SH2B3: variants seen among roughly 807,000 people sequenced by gnomAD.
SH2B3 encodes SH2B adapter protein 3.
SH2B3 carries 43 observed loss-of-function variants against 51.9 expected under a neutral mutation model. The observed-to-expected ratio is 0.83, with a 90% CI of 0.65 to 1.07. The LOEUF is 1.07. Ranked by LOEUF, SH2B3 falls within the 50% of genes least tolerant of loss-of-function variation. SH2B3 has a pLI of 0.00. For synonymous variants in SH2B3, 396 were observed against 376.0 expected, an observed-to-expected ratio of 1.05 and a Z score of -0.62; for missense variants, 952 against 834.3, an observed-to-expected ratio of 1.14 and a Z score of -1.74.
Position 111,448,138 on chromosome 12 carries a change from C to A in SH2B3, c.1564C>A (p.Pro522Thr), listed in dbSNP as rs759755500. Residue 522 changes from proline (P) to threonine (T), a missense_variant, in exon 8 of 8, where the codon CCC becomes ACC. Transcript: ENST00000341259. The stretch of plus-strand genomic sequence containing the variant: ...GGGTCTCCCAGGGCGATCCTCACCC[C>A]CCGAGCAGATCTTCCACCTGGTGCC... ...PEGLPGRSSPPEQIFHLVPSP... is the reference protein window; with the variant it reads ...PEGLPGRSSPTEQIFHLVPSP... 1.2e-6 allele frequency: 2 copies of A among 1,614,060 alleles called. No individual in the cohort carries two copies. Among genetic ancestry groups the A allele is most frequent in the African/African-American group, 1.3e-5 (1 of 74,916 alleles).
chr12:111,445,903 T>C (rs1456429895), intron 2 of SH2B3, among the ~76,000 whole-genome samples: 6 of 152,264 alleles, frequency 3.9e-5, no homozygotes, highest in Non-Finnish European at 7.3e-5. Flanking sequence ...CCTTTTGGGC[T>C]GAGGTGGAGG....
chr12:111,448,264 C>T lies in SH2B3; in HGVS notation c.1690C>T (p.His564Tyr), dbSNP rs774012150. Residue 564 changes from histidine (H) to tyrosine (Y), a missense_variant, in exon 8 of 8, where the codon CAC becomes TAC. Transcript: ENST00000341259. ...DYEMDSSSRS[H>Y]LRAIDNQYTP... ...CGAAATGGACTCATCCTCCCGGAGCCACCTGCGGGCCATAGACAATCAGTA... is the reference window on the plus strand; with the variant it reads ...CGAAATGGACTCATCCTCCCGGAGCTACCTGCGGGCCATAGACAATCAGTA... 7.7e-5 allele frequency: 125 copies of T among 1,613,800 alleles called. No homozygotes were observed. Among genetic ancestry groups the T allele is most frequent in the Non-Finnish European group, 1.0e-4 (119 of 1,179,836 alleles).
chr12:111,443,107 T>C (rs1344049949), intron 2 of SH2B3, among the ~76,000 whole-genome samples: 2 of 152,242 alleles, frequency 1.3e-5, no homozygotes, highest in African/African-American at 4.8e-5. Context: ...GGTAACAGCA[T>C]GAGGGCAAGT....
intron 1 of SH2B3, among the ~76,000 whole-genome samples, chr12:111,412,009 G>T (rs558309448): frequency 2.0e-4 from 31 of 152,196 alleles, no homozygotes; most frequent in African/African-American, 7.2e-4. Context: ...GGCTGACCAG[G>T]CTCCCCCGAA....
intron 2 of SH2B3, chr12:111,434,948 G>A (rs1399277972): frequency 4.6e-6 from 7 of 1,535,530 alleles, no homozygotes; most frequent in Non-Finnish European, 5.2e-6. Context: ...ACCTGGCCTG[G>A]CTGTGCCAGT....
chr12:111,434,076 G>T (rs1778128364), intron 2 of SH2B3, among the ~76,000 whole-genome samples: 1 of 152,154 alleles, frequency 6.6e-6, no homozygotes, highest in African/African-American at 2.4e-5. Flanking sequence ...CCAGCACTGG[G>T]TATTATTTTA....
rs1276590172 is a variant in SH2B3, at chr12:111,410,446, G to A, written c.-28+4169G>A. On this transcript the variant is annotated intron_variant, in intron 1 of 7. Coordinates refer to ENST00000341259, the MANE Select transcript of SH2B3 (RefSeq NM_005475.3). The surrounding 1 kb of genome is among the most constrained non-coding windows in gnomAD (Gnocchi z 4.9). Reference sequence around the variant, plus strand: ...GCCCTCAACCCAGAGGCAGTGAAAGGAAGAAGCCACGGCCTTGGGATGGGG... The same window carrying A: ...GCCCTCAACCCAGAGGCAGTGAAAGAAAGAAGCCACGGCCTTGGGATGGGG... Among the ~76,000 whole-genome samples, 1 of 152,206 alleles carries A rather than the reference G, an allele frequency of 6.6e-6. No individual in the cohort carries two copies. Among genetic ancestry groups the A allele is most frequent in the African/African-American group, 2.4e-5 (1 of 41,454 alleles).
At chr12:111,422,942 CCGCCT>C in intron 2 of SH2B3, among the ~76,000 whole-genome samples, 1 of 152,334 alleles carries the variant, frequency 6.6e-6, no homozygotes, top group Non-Finnish European at 1.5e-5. Context: ...GGTGATCTGT[CCGCCT>C]CGGCCTCCCA....
rs1000607842 is a variant in SH2B3 at position 111,429,814 on chromosome 12, A to G, written c.732+10937A>G. On this transcript the variant is annotated intron_variant, in intron 2 of 7. Transcript: ENST00000341259. The surrounding 1 kb of genome is among the most constrained non-coding windows in gnomAD (Gnocchi z 4.4). ...GAGCTGGTAGGTGGCCAAGGCAGGA[A>G]ATGAGAGTCCCTGGTGGGTCTGCCA... is the stretch of plus-strand genomic sequence containing the variant. 2.5e-4 allele frequency among the ~76,000 whole-genome samples: 38 copies of G among 152,276 alleles called. No homozygotes were observed. The highest frequency in any genetic ancestry group is 8.4e-4 in the African/African-American group (35 of 41,546).
chr12:111,429,967 T>C lies in SH2B3; in HGVS notation c.732+11090T>C, dbSNP rs763661953. ...AGCAGGGCAGACTGAGCCCTGGTCT[T>C]GGCAGGCAGGCAGAGCTCAGGTCCT... is the stretch of plus-strand genomic sequence containing the variant. On this transcript the variant is annotated intron_variant, in intron 2 of 7. Coordinates refer to ENST00000341259, the MANE Select transcript of SH2B3 (RefSeq NM_005475.3). The surrounding 1 kb of genome is among the most constrained non-coding windows in gnomAD (Gnocchi z 4.4). Among the ~76,000 whole-genome samples, 4 of 152,198 alleles carry C rather than the reference T, an allele frequency of 2.6e-5. No individual in the cohort carries two copies. Among genetic ancestry groups the C allele is most frequent in the Non-Finnish European group, 5.9e-5 (4 of 68,024 alleles).
chr12:111,430,910 C>CA (rs1872426511), intron 2 of SH2B3, among the ~76,000 whole-genome samples: 1 of 152,086 alleles, frequency 6.6e-6, no homozygotes, highest in Admixed American at 6.5e-5. Context: ...CTGCTCCCCA[C>CA]AGCAACCCCT....
chr12:111,411,396 G>C lies in SH2B3; in HGVS notation c.-28+5119G>C, dbSNP rs16941458. Reference sequence around the variant, plus strand: ...AAATCCTCCCCAAGCCTCAGCAGGGGAATTCCTACCATGGATAAAGGCTTT... The same window carrying C: ...AAATCCTCCCCAAGCCTCAGCAGGGCAATTCCTACCATGGATAAAGGCTTT... On this transcript the variant is annotated intron_variant, in intron 1 of 7. Transcript: ENST00000341259. 9.4e-3 allele frequency among the ~76,000 whole-genome samples: 1,437 copies of C among 152,072 alleles called. 22 individuals carry two copies. The highest frequency in any genetic ancestry group is 0.033 in the African/African-American group (1,381 of 41,464).
In SH2B3 at chr12:111,406,941, G is replaced by A. The variant is rs1288777249; in HGVS notation, c.-28+664G>A. On this transcript the variant is annotated intron_variant, in intron 1 of 7. Transcript: ENST00000341259. This position sits in a 1 kb window ranked among gnomAD's most constrained non-coding sequence, Gnocchi z 5.7. ...GCCTGGGGTTCCCTGGGAATCCCCC[G>A]ACCAAAAAACGTCTGGAGTGGGTGT... Among the ~76,000 whole-genome samples the A allele has an allele frequency of 6.6e-6, 1 of 152,086 alleles. No homozygotes were observed. Among genetic ancestry groups the A allele is most frequent in the Non-Finnish European group, 1.5e-5 (1 of 67,984 alleles).
At position 111,409,595 on chromosome 12, in the gene SH2B3, C is replaced by T. The variant is rs1057504564; in HGVS notation, c.-28+3318C>T. On this transcript the variant is annotated intron_variant, in intron 1 of 7. Transcript: ENST00000341259. This position sits in a 1 kb window ranked among gnomAD's most constrained non-coding sequence, Gnocchi z 4.0. ...CAAGGAAACTGAGGCGGGCAGGCTG[C>T]CCAGGGGAAGTGACTCAGCCGGGGT... 1.3e-5 allele frequency among the ~76,000 whole-genome samples: 2 copies of T among 152,302 alleles called. No individual in the cohort carries two copies. The highest frequency in any genetic ancestry group is 1.3e-4 in the Admixed American group (2 of 15,302).
At position 111,407,372 on chromosome 12, in the gene SH2B3, C is replaced by T. The variant is rs750444601; in HGVS notation, c.-28+1095C>T. 3.3e-5 allele frequency among the ~76,000 whole-genome samples: 5 copies of T among 152,214 alleles called. No individual in the cohort carries two copies. The highest frequency in any genetic ancestry group is 7.2e-5 in the African/African-American group (3 of 41,444). On this transcript the variant is annotated intron_variant, in intron 1 of 7. Coordinates refer to ENST00000341259, the MANE Select transcript of SH2B3 (RefSeq NM_005475.3). The surrounding 1 kb of genome is among the most constrained non-coding windows in gnomAD (Gnocchi z 4.3). The stretch of plus-strand genomic sequence containing the variant: ...GACCGAGATCTGACCCGCAGCCCCT[C>T]GCCGGGGAGATGACAGTTCCCTAAC...
Position 111,435,179 on chromosome 12 carries a change from C to A in SH2B3, c.733-11574C>A. 1 of 674,596 alleles carries A rather than the reference C, an allele frequency of 1.5e-6. No homozygotes were observed. The highest frequency in any genetic ancestry group is 2.5e-6 in the Non-Finnish European group (1 of 405,962). 41.8% of individuals were successfully genotyped at this position (674,596 alleles called of 1,614,324 possible). On this transcript the variant is annotated intron_variant, in intron 2 of 7. Coordinates refer to ENST00000341259, the MANE Select transcript of SH2B3 (RefSeq NM_005475.3). This position sits in a 1 kb window ranked among gnomAD's most constrained non-coding sequence, Gnocchi z 4.8. ...TTTTCCACCCACACCCGGTGCAGAG[C>A]AGATGCTTGGCCGGGGCTTCCCCGA...
In SH2B3 at chr12:111,415,619, A is replaced by ATT. The variant is rs539807079; in HGVS notation, c.-27-2483_-27-2482dup. 6.3e-3 allele frequency among the ~76,000 whole-genome samples: 769 copies of ATT among 122,812 alleles called. 17 individuals carry two copies. Among genetic ancestry groups the ATT allele is most frequent in the African/African-American group, 0.021 (702 of 33,722 alleles). The allele number at this position is 122,812 out of a possible 152,430, so 80.6% of individuals were successfully genotyped here. A position where few individuals can be genotyped will look rare whatever the true frequency, so the allele number is the denominator to read the frequency against. On this transcript the variant is annotated intron_variant, in intron 1 of 7. Transcript: ENST00000341259. Reference sequence around the variant, plus strand: ...TTTTGTTTTTGTTTTTGTGTGTGTGATTTTTTTTTTTTTTTTTTCCAGGAC... The same window carrying ATT: ...TTTTGTTTTTGTTTTTGTGTGTGTGATTTTTTTTTTTTTTTTTTTTCCAGGAC...
chr12:111,406,745 C>A lies in SH2B3; in HGVS notation c.-28+468C>A, dbSNP rs1426777965. ...CGCCGGCCCCTCCCCACTCCCCATT[C>A]CGGGCCATGTGGCTAAGAGGGTAGC... On this transcript the variant is annotated intron_variant, in intron 1 of 7. Coordinates refer to ENST00000341259, the MANE Select transcript of SH2B3 (RefSeq NM_005475.3). This position sits in a 1 kb window ranked among gnomAD's most constrained non-coding sequence, Gnocchi z 5.7. 6.6e-6 allele frequency among the ~76,000 whole-genome samples: 1 copy of A among 152,198 alleles called. No individual in the cohort carries two copies. The highest frequency in any genetic ancestry group is 2.4e-5 in the African/African-American group (1 of 41,452).
rs554050037 is a variant in SH2B3 at position 111,419,287 on chromosome 12, G to A, written c.732+410G>A. On this transcript the variant is annotated intron_variant, in intron 2 of 7. Transcript: ENST00000341259. ...CAACACACTCCAGGCCTGGGTGACG[G>A]AGTAAGACCCTGTCTCTAAATAAAT... Among the ~76,000 whole-genome samples the A allele has an allele frequency of 3.9e-5, 6 of 152,066 alleles. No individual in the cohort carries two copies. In the South Asian group the frequency reaches 1.0e-3, roughly 26 times the overall value.
Sources: allele counts gnomAD v4.1 joint callset (sites outside exome capture counted in the v4.1 genomes callset), GRCh38; gene constraint gnomAD v4.1.1; non-coding constraint Gnocchi (gnomAD v3.1); transcripts MANE v1.5; gene names NCBI Gene and HGNC (gene_info 2026-07-23, HGNC 2026-07-21).